Variants in NRXN3 observed in about 807,000 individuals in gnomAD.
NRXN3 encodes neurexin III.
Under a neutral mutation model 137.6 loss-of-function variants are expected in NRXN3, and 32 were observed. The observed-to-expected ratio is 0.23, with a 90% CI of 0.18 to 0.31. The LOEUF is 0.31. Ranked by LOEUF, NRXN3 falls within the 10% of genes least tolerant of loss-of-function variation. The probability of loss-of-function intolerance (pLI) is 1.00; values close to 1 mark genes in which losing one functional copy is unlikely to be tolerated. For missense variants in NRXN3, 1,574 were observed against 2,062.5 expected (o/e 0.76, Z 4.59); for synonymous variants, 798 against 784.5 (o/e 1.02, Z -0.29).
chr14:78,617,916 T>A (rs1263528473), intron 4 of NRXN3, among the ~76,000 whole-genome samples: 1 of 146,810 alleles, frequency 6.8e-6, no homozygotes, highest in Non-Finnish European at 1.5e-5. Context: ...TTGAAAGTAA[T>A]GGCAAAAACC....
chr14:78,781,850 AG>A (rs2098770962), intron 8 of NRXN3, among the ~76,000 whole-genome samples: 1 of 152,368 alleles, frequency 6.6e-6, no homozygotes, highest in East Asian at 1.9e-4. Context: ...AAAACCACAC[AG>A]GTTCATATAA....
intron 16 of NRXN3, among the ~76,000 whole-genome samples, chr14:79,588,569 C>G (rs1428199446): frequency 6.6e-6 from 1 of 152,162 alleles, no homozygotes; most frequent in African/African-American, 2.4e-5. Flanking sequence ...TCTTGAGGCT[C>G]TGTGGGACTT....
At chr14:79,252,589 G>C (rs536479690) in intron 15 of NRXN3, among the ~76,000 whole-genome samples, 3 of 151,734 alleles carry the variant, frequency 2.0e-5, no homozygotes, top group African/African-American at 7.3e-5. Context: ...GTGGTGGGAG[G>C]TGGGTAGGGA....
At chr14:78,926,685 G>A (rs1393109315) in intron 10 of NRXN3, among the ~76,000 whole-genome samples, 273 of 80,148 alleles carry the variant, frequency 3.4e-3, no homozygotes, top group Middle Eastern at 6.9e-3. Context: ...TATATATTAT[G>A]TAATATATAT....
intron 10 of NRXN3, among the ~76,000 whole-genome samples, chr14:78,894,091 G>T (rs1165422245): frequency 6.6e-6 from 1 of 151,908 alleles, no homozygotes; most frequent in Non-Finnish European, 1.5e-5. Flanking sequence ...GGTAGTGGTT[G>T]CTGAAGGAGG....
At chr14:78,579,420 C>T (rs2096968933) in intron 4 of NRXN3, among the ~76,000 whole-genome samples, 1 of 152,084 alleles carries the variant, frequency 6.6e-6, no homozygotes, top group Non-Finnish European at 1.5e-5. Context: ...CACTAGTCCT[C>T]ATTTCCAAGC....
chr14:79,006,299 G>C (rs2099552653), intron 15 of NRXN3, among the ~76,000 whole-genome samples: 1 of 148,854 alleles, frequency 6.7e-6, no homozygotes, highest in Non-Finnish European at 1.5e-5. Context: ...CTATTAGGAG[G>C]CTCTTGAAAA....
At chr14:79,802,875 T>G (rs956207768) in intron 19 of NRXN3, among the ~76,000 whole-genome samples, 1 of 152,050 alleles carries the variant, frequency 6.6e-6, no homozygotes, top group Admixed American at 6.6e-5. Flanking sequence ...TAAGTATGTT[T>G]AAAAATTCTT....
intron 15 of NRXN3, among the ~76,000 whole-genome samples, chr14:79,111,103 T>A (rs1271077251): frequency 6.6e-6 from 1 of 152,150 alleles, no homozygotes; most frequent in Non-Finnish European, 1.5e-5. Flanking sequence ...AATTATTTTT[T>A]AAAAAGTTTT....
At chr14:78,403,889 C>T (rs1344165806) in intron 4 of NRXN3, 11 of 985,250 alleles carry the variant, frequency 1.1e-5, no homozygotes, top group Middle Eastern at 5.2e-4. Context: ...GTAAGTCTTT[C>T]GGCTCACCTT....
intron 16 of NRXN3, among the ~76,000 whole-genome samples, chr14:79,647,350 G>A (rs1161529104): frequency 7.4e-6 from 1 of 135,614 alleles, no homozygotes; most frequent in East Asian, 2.0e-4. Flanking sequence ...GAACTCAGAG[G>A]ACTAAAAATG....
At chr14:79,188,206 G>A (rs139237325) in intron 15 of NRXN3, among the ~76,000 whole-genome samples, 2 of 152,202 alleles carry the variant, frequency 1.3e-5, no homozygotes, top group East Asian at 1.9e-4. Flanking sequence ...TAAATTGAGA[G>A]GAAACCTTTA....
intron 4 of NRXN3, among the ~76,000 whole-genome samples, chr14:78,332,796 T>G (rs1441109522): frequency 6.7e-6 from 1 of 150,044 alleles, no homozygotes; most frequent in Admixed American, 6.7e-5. Context: ...TTCTAGTTCC[T>G]GGCTTACTGG....
chr14:78,661,127 A>G (rs1447606866), intron 6 of NRXN3, among the ~76,000 whole-genome samples: 1 of 152,242 alleles, frequency 6.6e-6, no homozygotes, highest in Non-Finnish European at 1.5e-5. Flanking sequence ...CAATGAACTT[A>G]TGAGTTGAAC....
intron 15 of NRXN3, among the ~76,000 whole-genome samples, chr14:79,054,479 T>C (rs1230462847): frequency 6.6e-6 from 1 of 152,162 alleles, no homozygotes; most frequent in African/African-American, 2.4e-5. Context: ...AAAAGGATTT[T>C]TGACATAAGC....
At chr14:79,860,934 G>A (rs1307725778) in intron 20 of NRXN3, 2 of 721,116 alleles carry the variant, frequency 2.8e-6, no homozygotes, top group East Asian at 3.0e-5. Flanking sequence ...AAAAGATCCA[G>A]ATCTTTTTAT....
chr14:78,254,338 G>A lies in NRXN3; in HGVS notation c.709+10536G>A, dbSNP rs74065956. On this transcript the variant is annotated intron_variant, in intron 2 of 20. Transcript: ENST00000335750. ...CCCCATACCCAACTAGGTTTTTAGC[G>A]TCTCTGAATTTCCAAGGAGCTTCCT... is the stretch of plus-strand genomic sequence containing the variant. Among the ~76,000 whole-genome samples the A allele has an allele frequency of 3.5e-3, 529 of 152,150 alleles. 3 individuals are homozygous for A. The highest frequency in any genetic ancestry group is 0.012 in the African/African-American group (501 of 41,524).
At chr14:79,275,392 C>T (rs1337039006) in intron 15 of NRXN3, among the ~76,000 whole-genome samples, 4 of 152,092 alleles carry the variant, frequency 2.6e-5, no homozygotes, top group Non-Finnish European at 1.5e-5. Context: ...TTCTGGTCTG[C>T]CTGTTTCTGT....
intron 16 of NRXN3, among the ~76,000 whole-genome samples, chr14:79,654,508 A>G (rs2098495489): frequency 6.6e-6 from 1 of 152,186 alleles, no homozygotes; most frequent in African/African-American, 2.4e-5. Flanking sequence ...ATAATAATAC[A>G]TCAATGAATG....
Sources: gnomAD v4.1 joint callset for allele counts (sites outside exome capture counted in the v4.1 genomes callset) on GRCh38, gnomAD v4.1.1 for gene constraint, MANE v1.5 for transcripts, NCBI Gene and HGNC (gene_info 2026-07-23, HGNC 2026-07-21) for gene names.